The following KCTD16 variants were observed in gnomAD, a reference collection of about 807,000 sequenced individuals.
KCTD16 encodes the protein BTB/POZ domain-containing protein KCTD16.
KCTD16 carries 13 observed loss-of-function variants against 33.2 expected under a neutral mutation model. That is an observed-to-expected ratio of 0.39 (90% CI 0.25 to 0.62). The LOEUF (loss-of-function observed/expected upper bound fraction) is 0.62. Among genes scored for constraint, KCTD16 ranks in the 20% least tolerant of loss-of-function variants. KCTD16 has a pLI of 0.50. For missense variants in KCTD16, 441 were observed against 525.1 expected, an observed-to-expected ratio of 0.84 and a Z score of 1.57; for synonymous variants, 197 against 195.3, an observed-to-expected ratio of 1.01 and a Z score of -0.07.
rs577971322 is a variant in KCTD16, at chr5:144,267,384, A to G, written c.832+59838A>G. 2.6e-5 allele frequency among the ~76,000 whole-genome samples: 4 copies of G among 152,298 alleles called. 1 individual carries two copies. In the East Asian group the frequency reaches 7.7e-4, roughly 29 times the overall value. On this transcript the variant is annotated intron_variant, in intron 3 of 3. Coordinates refer to ENST00000512467, the MANE Select transcript of KCTD16 (RefSeq NM_020768.4). ...ATTCAGTCAAAAAAATGGAAGGCAC[A>G]TAGGGAAAGACTGGGGCATGGGAAG...
chr5:144,435,951 T>G (rs972209806), intron 3 of KCTD16, among the ~76,000 whole-genome samples: 1 of 152,182 alleles, frequency 6.6e-6, no homozygotes, highest in African/African-American at 2.4e-5. Context: ...CTCTGCTATT[T>G]TACTGGCCTA....
At chr5:144,243,427 G>A (rs1192627571) in intron 3 of KCTD16, among the ~76,000 whole-genome samples, 1 of 152,164 alleles carries the variant, frequency 6.6e-6, no homozygotes. Flanking sequence ...CTCTTTGTAT[G>A]TGGTAAAATA....
chr5:144,387,159 T>TC (rs35523828), intron 3 of KCTD16, among the ~76,000 whole-genome samples: 1 of 146,406 alleles, frequency 6.8e-6, no homozygotes, highest in Non-Finnish European at 1.5e-5. Context: ...TTTTTTTTTT[T>TC]GAGAGACAGA....
rs114754917 is a variant in KCTD16, at chr5:144,437,792, C to T, written c.833-35868C>T. Among the ~76,000 whole-genome samples the T allele has an allele frequency of 3.5e-3, 538 of 152,212 alleles. 2 individuals are homozygous for T. The highest frequency in any genetic ancestry group is 0.012 in the African/African-American group (515 of 41,544). On this transcript the variant is annotated intron_variant, in intron 3 of 3. Coordinates refer to ENST00000512467, the MANE Select transcript of KCTD16 (RefSeq NM_020768.4). ...CTATAAAATGAGAGGGTTGACCACA[C>T]GACTTTTAATGTACCTGTCAATTCT... is the stretch of plus-strand genomic sequence containing the variant.
intron 3 of KCTD16, among the ~76,000 whole-genome samples, chr5:144,364,486 G>A (rs1235613051): frequency 6.6e-6 from 1 of 152,138 alleles, no homozygotes; most frequent in East Asian, 1.9e-4. Flanking sequence ...TTATCACATC[G>A]AAGTAGATCC....
intron 3 of KCTD16, among the ~76,000 whole-genome samples, chr5:144,415,599 G>A (rs570242277): frequency 1.3e-5 from 2 of 152,226 alleles, no homozygotes; most frequent in South Asian, 4.2e-4. Context: ...CAAGCTTTGA[G>A]GAATTGTACA....
In KCTD16 at chr5:144,483,825, A is replaced by G. The variant is rs530902454; in HGVS notation, c.*9711A>G. 2 of 152,122 alleles carry G rather than the reference A, an allele frequency of 1.3e-5. No individual in the cohort carries two copies. The highest frequency in any genetic ancestry group is 3.9e-4 in the East Asian group (2 of 5,154). 9.4% of individuals were successfully genotyped at this position (152,122 alleles called of 1,614,324 possible). The stretch of plus-strand genomic sequence containing the variant: ...GAGATCTGTCAGGTGTGCCCACACA[A>G]CAGAAGCACTTGTAAACTAATTAAG... On this transcript the variant is annotated 3_prime_UTR_variant, in exon 4 of 4. Coordinates refer to ENST00000512467, the MANE Select transcript of KCTD16 (RefSeq NM_020768.4).
intron 3 of KCTD16, among the ~76,000 whole-genome samples, chr5:144,406,588 G>A (rs961150636): frequency 4.6e-5 from 7 of 152,222 alleles, no homozygotes; most frequent in African/African-American, 1.7e-4. Flanking sequence ...AGATGCACCG[G>A]TTATGGTTTA....
intron 3 of KCTD16, among the ~76,000 whole-genome samples, chr5:144,391,419 T>C (rs748678833): frequency 3.3e-5 from 5 of 152,362 alleles, no homozygotes; most frequent in Non-Finnish European, 7.3e-5. Context: ...GGTCATCCTC[T>C]GCATATCTAC....
chr5:144,382,325 C>T (rs1188344641), intron 3 of KCTD16, among the ~76,000 whole-genome samples: 1 of 152,082 alleles, frequency 6.6e-6, no homozygotes, highest in Admixed American at 6.5e-5. Flanking sequence ...CACAAAACCC[C>T]AGCAATACGC....
At chr5:144,345,413 A>C in intron 3 of KCTD16, among the ~76,000 whole-genome samples, 1 of 152,306 alleles carries the variant, frequency 6.6e-6, no homozygotes, top group South Asian at 2.1e-4. Flanking sequence ...ATGTTACACA[A>C]GTTTATAGGC....
intron 3 of KCTD16, among the ~76,000 whole-genome samples, chr5:144,208,851 C>T (rs2398721): frequency 0.18 from 26,587 of 151,868 alleles, 2,647 homozygotes; most frequent in Admixed American, 0.26. Context: ...TATTGATGTG[C>T]GATAACAAAC....
chr5:144,376,370 G>A (rs62401780), intron 3 of KCTD16, among the ~76,000 whole-genome samples: 3,640 of 152,088 alleles, frequency 0.024, 61 homozygotes, highest in Non-Finnish European at 0.037. Flanking sequence ...TTACAATCTC[G>A]GTAGTTGGTC....
intron 3 of KCTD16, among the ~76,000 whole-genome samples, chr5:144,229,203 G>T (rs555389049): frequency 1.3e-5 from 2 of 152,326 alleles, no homozygotes; most frequent in Admixed American, 6.5e-5. Flanking sequence ...AGCTCAAGGT[G>T]TATGCAAGAG....
At chr5:144,205,869 TA>T (rs1753155078) in intron 2 of KCTD16, 1 of 278,630 alleles carries the variant, frequency 3.6e-6, no homozygotes, top group Non-Finnish European at 6.6e-6. Flanking sequence ...TGCATATATA[TA>T]ATAGTTATTT....
chr5:144,370,663 A>G (rs1350905070), intron 3 of KCTD16, among the ~76,000 whole-genome samples: 1 of 152,202 alleles, frequency 6.6e-6, no homozygotes, highest in Non-Finnish European at 1.5e-5. Context: ...ATCTTTAGGC[A>G]TATATTTAGG....
At chr5:144,348,297 A>G (rs1752857470) in intron 3 of KCTD16, among the ~76,000 whole-genome samples, 1 of 152,002 alleles carries the variant, frequency 6.6e-6, no homozygotes, top group Non-Finnish European at 1.5e-5. Context: ...GATATTTGAG[A>G]TATGGCTGGC....
At chr5:144,237,025 G>C (rs1754272486) in intron 3 of KCTD16, among the ~76,000 whole-genome samples, 1 of 152,056 alleles carries the variant, frequency 6.6e-6, no homozygotes, top group African/African-American at 2.4e-5. Context: ...ACAGGTACCA[G>C]TGATTAGTTC....
intron 3 of KCTD16, among the ~76,000 whole-genome samples, chr5:144,309,181 T>C (rs1356078316): frequency 6.6e-6 from 1 of 152,184 alleles, no homozygotes; most frequent in Non-Finnish European, 1.5e-5. Context: ...GAATCAGTAC[T>C]TTCTCCTTTG....
Sources: allele counts gnomAD v4.1 joint callset (sites outside exome capture counted in the v4.1 genomes callset), GRCh38; gene constraint gnomAD v4.1.1; transcripts MANE v1.5; gene names NCBI Gene and HGNC (gene_info 2026-07-23, HGNC 2026-07-21).